GTF2E2: variants seen among roughly 807,000 people sequenced by gnomAD.
The protein encoded by GTF2E2 is general transcription factor IIE subunit 2.
In GTF2E2, 21 loss-of-function variants were observed where a neutral mutation model predicts 40.5. That is an observed-to-expected ratio of 0.52 (90% CI 0.37 to 0.75). The LOEUF is 0.75. Among genes scored for constraint, GTF2E2 ranks in the 30% least tolerant of loss-of-function variants. GTF2E2 has a pLI of 0.00. For missense variants in GTF2E2, 298 were observed against 338.4 expected (o/e 0.88, Z 0.94); for synonymous variants, 117 against 121.6 (o/e 0.96, Z 0.25).
At chr8:30,581,859 A>G (rs1828524415) in intron 6 of GTF2E2, among the ~76,000 whole-genome samples, 3 of 152,254 alleles carry the variant, frequency 2.0e-5, no homozygotes, top group East Asian at 1.9e-4. Context: ...TACCTAGCAC[A>G]TGACAGGTCC....
Position 30,578,923 on chromosome 8 carries a change from A to AT in GTF2E2, c.873dup (p.Ter292IlefsTer36). 2 of 1,469,634 alleles carry AT rather than the reference A, an allele frequency of 1.4e-6. No individual in the cohort carries two copies. Among genetic ancestry groups the AT allele is most frequent in the Non-Finnish European group, 1.9e-6 (2 of 1,047,976 alleles). 91.0% of individuals were successfully genotyped at this position (1,469,634 alleles called of 1,614,324 possible). A position where few individuals can be genotyped will look rare whatever the true frequency, so the allele number is the denominator to read the frequency against. On this transcript the variant is annotated frameshift_variant, in exon 8 of 8. Coordinates refer to ENST00000355904, the MANE Select transcript of GTF2E2 (RefSeq NM_002095.6). LOFTEE classifies it high-confidence loss of function. ...CTGTTCCAGGGCAAAACTGTTCCCT[A>AT]TTTGCTGGAAGTAATGTCAGAGTAA...
intron 5 of GTF2E2, among the ~76,000 whole-genome samples, chr8:30,610,477 A>C (rs1829449996): frequency 6.6e-6 from 1 of 151,896 alleles, no homozygotes; most frequent in Non-Finnish European, 1.5e-5. Context: ...ACATTAATCA[A>C]AACATTGTAG....
intron 3 of GTF2E2, among the ~76,000 whole-genome samples, chr8:30,615,856 T>C (rs1023895320): frequency 1.3e-5 from 2 of 152,142 alleles, no homozygotes; most frequent in Non-Finnish European, 2.9e-5. Context: ...ATTATGTACA[T>C]ACAAAAATCC....
intron 3 of GTF2E2, among the ~76,000 whole-genome samples, chr8:30,622,580 C>A (rs12545384): frequency 0.35 from 53,617 of 151,690 alleles, 9,910 homozygotes; most frequent in African/African-American, 0.46. Flanking sequence ...AGCAACCGGT[C>A]TGACCAAAAT....
intron 2 of GTF2E2, among the ~76,000 whole-genome samples, chr8:30,641,056 A>C (rs1468140017): frequency 6.6e-6 from 1 of 152,154 alleles, no homozygotes; most frequent in Non-Finnish European, 1.5e-5. Context: ...CTTTACCCTA[A>C]ATTAAACATC....
intron 6 of GTF2E2, among the ~76,000 whole-genome samples, chr8:30,586,573 T>C (rs1240419322): frequency 1.3e-5 from 2 of 152,152 alleles, no homozygotes; most frequent in Non-Finnish European, 2.9e-5. Flanking sequence ...ACAAAAAAAC[T>C]GAATAGCCAA....
At chr8:30,635,302 TCTCA>T (rs1801561886) in intron 2 of GTF2E2, among the ~76,000 whole-genome samples, 179 bp from the exon 3 acceptor site, 2 of 152,284 alleles carry the variant, frequency 1.3e-5, no homozygotes, top group East Asian at 3.9e-4. Flanking sequence ...GTACCAATTT[TCTCA>T]CTAAGGGTAG....
chr8:30,640,487 T>TA (rs1022842768), intron 2 of GTF2E2, among the ~76,000 whole-genome samples: 7 of 151,356 alleles, frequency 4.6e-5, no homozygotes, highest in Non-Finnish European at 5.9e-5. Context: ...ACACATATGC[T>TA]AAAAAAAAAT....
Position 30,624,845 on chromosome 8 carries a change from T to C in GTF2E2, c.259-10130A>G, listed in dbSNP as rs558510910. Reference sequence around the variant, plus strand: ...GGTGTGTAAGAATGCTTGTGGTTTTTGCACATTGATTTTGTATCCTGAGAC... The same window carrying C: ...GGTGTGTAAGAATGCTTGTGGTTTTCGCACATTGATTTTGTATCCTGAGAC... On this transcript the variant is annotated intron_variant, in intron 3 of 7. Coordinates refer to ENST00000355904, the MANE Select transcript of GTF2E2 (RefSeq NM_002095.6). Among the ~76,000 whole-genome samples the C allele has an allele frequency of 4.4e-3, 668 of 152,178 alleles. 2 individuals carry two copies. Among genetic ancestry groups the C allele is most frequent in the Non-Finnish European group, 7.7e-3 (526 of 68,016 alleles).
In GTF2E2 at chr8:30,596,039, G is replaced by A. The variant is rs556815050; in HGVS notation, c.643+11018C>T. Reference sequence around the variant, plus strand: ...GCATTCTTTTTTTCCTCTGGAATTAGTCTCTTTCCTCTGACTGCCTTCAAT... The same window carrying A: ...GCATTCTTTTTTTCCTCTGGAATTAATCTCTTTCCTCTGACTGCCTTCAAT... On this transcript the variant is annotated intron_variant, in intron 6 of 7. Coordinates refer to ENST00000355904, the MANE Select transcript of GTF2E2 (RefSeq NM_002095.6). 3.3e-5 allele frequency among the ~76,000 whole-genome samples: 5 copies of A among 152,192 alleles called. No homozygotes were observed. In the East Asian group the frequency reaches 9.6e-4, roughly 29 times the overall value.
intron 6 of GTF2E2, among the ~76,000 whole-genome samples, chr8:30,606,682 G>A (rs1001366131): frequency 6.6e-6 from 1 of 152,080 alleles, no homozygotes; most frequent in South Asian, 2.1e-4. Flanking sequence ...TAAGATAAGA[G>A]AACACTATTC....
chr8:30,601,058 T>C (rs1829165889), intron 6 of GTF2E2, among the ~76,000 whole-genome samples: 1 of 152,234 alleles, frequency 6.6e-6, no homozygotes, highest in African/African-American at 2.4e-5. Context: ...AAAACTTGTT[T>C]TGTTTTGTTT....
At chr8:30,594,444 G>C (rs1211524677) in intron 6 of GTF2E2, among the ~76,000 whole-genome samples, 1 of 150,586 alleles carries the variant, frequency 6.6e-6, no homozygotes. Context: ...TTTTAGTAGA[G>C]ATAGGGTTTC....
chr8:30,612,220 A>C, intron 5 of GTF2E2, 79 bp downstream of exon 5: 1 of 931,356 alleles, frequency 1.1e-6, no homozygotes, highest in Admixed American at 2.2e-5. Context: ...AACAATTGTA[A>C]AATGTTTGAT....
intron 3 of GTF2E2, among the ~76,000 whole-genome samples, chr8:30,632,222 AATT>A (rs1184652733): frequency 6.6e-6 from 1 of 152,234 alleles, no homozygotes; most frequent in Non-Finnish European, 1.5e-5. Flanking sequence ...GAAATGTTTA[AATT>A]ATTACAAAAA....
intron 6 of GTF2E2, among the ~76,000 whole-genome samples, chr8:30,605,359 T>G (rs1216475420): frequency 6.6e-6 from 1 of 152,006 alleles, no homozygotes; most frequent in Non-Finnish European, 1.5e-5. Flanking sequence ...ATGTTTAAAG[T>G]TGAAAAAAAA....
chr8:30,589,500 G>A (rs1008328500), intron 6 of GTF2E2, among the ~76,000 whole-genome samples: 6 of 152,214 alleles, frequency 3.9e-5, no homozygotes, highest in Non-Finnish European at 8.8e-5. Flanking sequence ...GTTCAAGGCT[G>A]CAGTGACCTA....
At chr8:30,606,008 C>T (rs1384956052) in intron 6 of GTF2E2, among the ~76,000 whole-genome samples, 2 of 152,170 alleles carry the variant, frequency 1.3e-5, no homozygotes, top group African/African-American at 4.8e-5. Flanking sequence ...ATAAAGGCAA[C>T]ATTGCAAGTA....
intron 3 of GTF2E2, among the ~76,000 whole-genome samples, chr8:30,632,938 T>C (rs1585987117): frequency 6.6e-6 from 1 of 152,188 alleles, no homozygotes; most frequent in South Asian, 2.1e-4. Flanking sequence ...ACTTAAATTC[T>C]ACAAAATCTC....
Sources: gnomAD v4.1 joint callset for allele counts (sites outside exome capture counted in the v4.1 genomes callset) on GRCh38, gnomAD v4.1.1 for gene constraint, MANE v1.5 for transcripts, NCBI Gene and HGNC (gene_info 2026-07-23, HGNC 2026-07-21) for gene names.